EPHA6: variants seen among roughly 807,000 people sequenced by gnomAD.
EPHA6 encodes ephrin type-A receptor 6.
A neutral mutation model predicts 112.0 loss-of-function variants in EPHA6; 50 were observed. The observed-to-expected ratio is 0.45, with a 90% confidence interval of 0.36 to 0.56. The LOEUF (loss-of-function observed/expected upper bound fraction) is 0.56, where lower values mean the gene tolerates loss of function less well. Ranked by LOEUF, EPHA6 falls within the 20% of genes least tolerant of loss-of-function variation. EPHA6 has a pLI of 0.00. For missense variants in EPHA6, 1,280 were observed against 1,417.4 expected (o/e 0.90, Z 1.56); for synonymous variants, 529 against 490.7 (o/e 1.08, Z -1.03).
At chr3:97,645,128 C>G (rs1389073933) in intron 14 of EPHA6, among the ~76,000 whole-genome samples, 1 of 152,102 alleles carries the variant, frequency 6.6e-6, no homozygotes, top group Non-Finnish European at 1.5e-5. Context: ...GGATCTACAA[C>G]TAGAAATACC....
intron 6 of EPHA6, among the ~76,000 whole-genome samples, chr3:97,412,245 G>A (rs866084519): frequency 4.6e-5 from 7 of 152,082 alleles, no homozygotes; most frequent in African/African-American, 1.4e-4. Flanking sequence ...GAGTCATATT[G>A]TAGAATTTCA....
chr3:96,832,245 TTATC>T (rs2034130647), intron 1 of EPHA6, among the ~76,000 whole-genome samples: 1 of 152,060 alleles, frequency 6.6e-6, no homozygotes, highest in African/African-American at 2.4e-5. Flanking sequence ...GAATATGACT[TTATC>T]TAACTAAGAG....
chr3:97,117,735 G>T (rs2047931954), intron 3 of EPHA6, among the ~76,000 whole-genome samples: 2 of 151,656 alleles, frequency 1.3e-5, no homozygotes, highest in South Asian at 4.1e-4. Flanking sequence ...AATCAAGATT[G>T]TGATCTTAGC....
At chr3:97,118,002 GAA>G (rs1328234961) in intron 3 of EPHA6, among the ~76,000 whole-genome samples, 1 of 151,708 alleles carries the variant, frequency 6.6e-6, no homozygotes, top group African/African-American at 2.4e-5. Flanking sequence ...ATCATCCACT[GAA>G]AAGAGAATTA....
intron 1 of EPHA6, among the ~76,000 whole-genome samples, chr3:96,821,119 G>T (rs2033219525): frequency 6.6e-6 from 1 of 151,902 alleles, no homozygotes; most frequent in South Asian, 2.1e-4. Context: ...TGGAGTGAGG[G>T]AAGAAACTGT....
chr3:96,997,026 T>TAA (rs2043448728), intron 3 of EPHA6, among the ~76,000 whole-genome samples: 1 of 152,076 alleles, frequency 6.6e-6, no homozygotes, highest in Non-Finnish European at 1.5e-5. Context: ...ACCTGCTGCT[T>TAA]TACCTTGCAT....
chr3:97,150,804 C>CT (rs2076153301), intron 3 of EPHA6, among the ~76,000 whole-genome samples: 1 of 152,082 alleles, frequency 6.6e-6, no homozygotes, highest in Admixed American at 6.6e-5. Context: ...CTCTCCTCCT[C>CT]TAATTTCTAA....
chr3:97,603,454 A>AT (rs1157724349), intron 12 of EPHA6, among the ~76,000 whole-genome samples: 1 of 151,946 alleles, frequency 6.6e-6, no homozygotes, highest in Non-Finnish European at 1.5e-5. Context: ...TAGAGAAAGT[A>AT]TTTTTTCAGC....
At chr3:96,847,129 A>C (rs776410284) in intron 1 of EPHA6, among the ~76,000 whole-genome samples, 5 of 152,070 alleles carry the variant, frequency 3.3e-5, no homozygotes, top group Non-Finnish European at 7.4e-5. Context: ...AATCCAGTAG[A>C]GTGAAAGTCT....
intron 14 of EPHA6, among the ~76,000 whole-genome samples, chr3:97,719,463 A>C (rs2107791819): frequency 6.6e-6 from 1 of 152,302 alleles, no homozygotes; most frequent in East Asian, 1.9e-4. Context: ...TTAAAATTGT[A>C]AATCAAATGG....
At chr3:97,388,710 C>A (rs1227807110) in intron 5 of EPHA6, among the ~76,000 whole-genome samples, 2 of 152,224 alleles carry the variant, frequency 1.3e-5, no homozygotes, top group South Asian at 2.1e-4. Flanking sequence ...TTTGGAAATT[C>A]TCTGCTTTCA....
At chr3:97,452,844 A>G (rs2090572116) in intron 7 of EPHA6, among the ~76,000 whole-genome samples, 1 of 151,744 alleles carries the variant, frequency 6.6e-6, no homozygotes, top group Non-Finnish European at 1.5e-5. Context: ...AACTGCTCAA[A>G]TTTATTATTA....
Position 97,073,746 on chromosome 3 carries a change from T to G in EPHA6, c.1114+85753T>G, listed in dbSNP as rs868636692. Among the ~76,000 whole-genome samples the G allele has an allele frequency of 3.3e-5, 5 of 152,200 alleles. No individual in the cohort carries two copies. The South Asian group carries it at 8.3e-4, about 25-fold the overall frequency. Reference sequence around the variant, plus strand: ...TTTTTTGCAGAATAGCCTATGCATCTATAAGTATATACAGTATATTAAAGA... The same window carrying G: ...TTTTTTGCAGAATAGCCTATGCATCGATAAGTATATACAGTATATTAAAGA... On this transcript the variant is annotated intron_variant, in intron 3 of 17. Transcript: ENST00000389672.
chr3:97,629,977 A>G (rs1055970246), intron 13 of EPHA6, among the ~76,000 whole-genome samples: 1 of 152,042 alleles, frequency 6.6e-6, no homozygotes, highest in African/African-American at 2.4e-5. Context: ...AAATCTAAGC[A>G]GAAGTTATTT....
At chr3:97,147,163 G>A (rs1361987841) in intron 3 of EPHA6, among the ~76,000 whole-genome samples, 1 of 151,924 alleles carries the variant, frequency 6.6e-6, no homozygotes, top group Non-Finnish European at 1.5e-5. Flanking sequence ...AATTTATCTT[G>A]GATATTACCT....
At chr3:96,859,309 T>C (rs2035876023) in intron 1 of EPHA6, among the ~76,000 whole-genome samples, 1 of 152,208 alleles carries the variant, frequency 6.6e-6, no homozygotes, top group Non-Finnish European at 1.5e-5. Flanking sequence ...ACAATTAAAA[T>C]TTTTATCTGA....
chr3:97,595,898 TTC>T (rs1379407204), intron 12 of EPHA6, among the ~76,000 whole-genome samples: 180 of 149,268 alleles, frequency 1.2e-3, no homozygotes, highest in Non-Finnish European at 2.0e-3. Flanking sequence ...ATCAGACATA[TTC>T]TCTTTTTTTT....
chr3:97,102,138 A>G (rs932473058), intron 3 of EPHA6, among the ~76,000 whole-genome samples: 1 of 151,988 alleles, frequency 6.6e-6, no homozygotes, highest in Non-Finnish European at 1.5e-5. Context: ...TATAAGAAAC[A>G]CTCATAGCTT....
intron 3 of EPHA6, among the ~76,000 whole-genome samples, chr3:97,135,208 T>G (rs2075736255): frequency 6.6e-6 from 1 of 152,168 alleles, no homozygotes; most frequent in African/African-American, 2.4e-5. Flanking sequence ...AACGCTAACT[T>G]TTAAAGTTAG....
Sources: gnomAD v4.1 joint callset for allele counts (sites outside exome capture counted in the v4.1 genomes callset) on GRCh38, gnomAD v4.1.1 for gene constraint, MANE v1.5 for transcripts, NCBI Gene and HGNC (gene_info 2026-07-23, HGNC 2026-07-21) for gene names.